The following RNLS variants were observed in gnomAD, a reference collection of about 807,000 sequenced individuals.
RNLS encodes the protein renalase, FAD dependent amine oxidase.
RNLS carries 39 observed loss-of-function variants against 39.8 expected under a neutral mutation model. The observed-to-expected ratio is 0.98, with a 90% CI of 0.76 to 1.28. The LOEUF (loss-of-function observed/expected upper bound fraction) is 1.28. RNLS is among the 50% of genes most tolerant of loss of function. The probability of loss-of-function intolerance (pLI) is 0.00; values close to 1 mark genes in which losing one functional copy is unlikely to be tolerated. For synonymous variants in RNLS, 147 were observed against 150.7 expected (o/e 0.98, Z 0.18); for missense variants, 410 against 413.3 (o/e 0.99, Z 0.07).
At chr10:88,214,158 T>G in the RNLS span, among the ~76,000 whole-genome samples, 1 of 152,146 alleles carries the variant, frequency 6.6e-6, no homozygotes, top group Non-Finnish European at 1.5e-5. Flanking sequence ...AACTTTCAGG[T>G]TCTGTTAAAA....
At chr10:88,215,760 C>T in the RNLS span, among the ~76,000 whole-genome samples, 3 of 137,266 alleles carry the variant, frequency 2.2e-5, no homozygotes, top group Non-Finnish European at 4.6e-5. Context: ...AGTGCAATGG[C>T]GTGATCTTGG....
intron 4 of RNLS, among the ~76,000 whole-genome samples, chr10:88,526,998 TG>T (rs1288395605): frequency 1.3e-5 from 2 of 151,854 alleles, no homozygotes. Context: ...GTTAAGTACT[TG>T]GGTTCTAGGG....
downstream of RNLS, among the ~76,000 whole-genome samples, chr10:88,272,837 T>C (rs72818069): frequency 0.045 from 6,873 of 152,222 alleles, 230 homozygotes; most frequent in African/African-American, 0.088. Context: ...GCCTTGAAAG[T>C]CTCTAATCTA....
At chr10:88,184,558 T>G in the RNLS span, among the ~76,000 whole-genome samples, 1 of 152,238 alleles carries the variant, frequency 6.6e-6, no homozygotes, top group Non-Finnish European at 1.5e-5. Context: ...GAACTGAATT[T>G]AGCCCTCAAG....
At position 88,284,756 on chromosome 10, in the gene RNLS, A is replaced by G. The variant is rs1368611345; in HGVS notation, c.*598T>C. ...ATCATGTGGAATCTTATACTTTCTG[A>G]AAATCTGAAGGAAGGTCTCTTTATC... On this transcript the variant is annotated 3_prime_UTR_variant, in exon 7 of 7. Coordinates refer to ENST00000331772, the MANE Select transcript of RNLS (RefSeq NM_001031709.3). 8 of 985,270 alleles carry G rather than the reference A, an allele frequency of 8.1e-6. No homozygotes were observed. Among genetic ancestry groups the G allele is most frequent in the Non-Finnish European group, 4.8e-6 (4 of 829,924 alleles). The allele number at this position is 985,270 out of a possible 1,614,324, so 61.0% of individuals were successfully genotyped here. A position where few individuals can be genotyped will look rare whatever the true frequency, so the allele number is the denominator to read the frequency against.
At chr10:88,458,683 GAGA>G (rs1233241305) in intron 4 of RNLS, among the ~76,000 whole-genome samples, 1 of 152,098 alleles carries the variant, frequency 6.6e-6, no homozygotes, top group Non-Finnish European at 1.5e-5. Context: ...CTACAGGGTC[GAGA>G]AGAATACTGC....
At chr10:88,438,823 T>C (rs1386454774) in intron 4 of RNLS, among the ~76,000 whole-genome samples, 2 of 152,216 alleles carry the variant, frequency 1.3e-5, no homozygotes. Flanking sequence ...CCAAGCCCAA[T>C]CTTCTAGTCT....
At chr10:88,418,158 G>A (rs1373097960) in intron 4 of RNLS, among the ~76,000 whole-genome samples, 1 of 151,106 alleles carries the variant, frequency 6.6e-6, no homozygotes, top group African/African-American at 2.4e-5. Context: ...CGAAGCTAAA[G>A]ATTCAACAGA....
intron 4 of RNLS, among the ~76,000 whole-genome samples, chr10:88,365,587 T>C (rs905712457): frequency 4.0e-5 from 6 of 151,250 alleles, no homozygotes; most frequent in Admixed American, 2.6e-4. Context: ...TTATATATTA[T>C]ATATAACATA....
At chr10:88,272,927 C>T (rs1842688133), downstream of RNLS, among the ~76,000 whole-genome samples, 1 of 152,146 alleles carries the variant, frequency 6.6e-6, no homozygotes, top group Non-Finnish European at 1.5e-5. Flanking sequence ...TATCCCTAGA[C>T]CCCAGCCCTG....
At chr10:88,246,622 T>C in the RNLS span, among the ~76,000 whole-genome samples, 1 of 151,912 alleles carries the variant, frequency 6.6e-6, no homozygotes, top group South Asian at 2.1e-4. Context: ...TAAATCCCGC[T>C]TTTTTTTCCT....
At chr10:88,206,145 C>T in the RNLS span, among the ~76,000 whole-genome samples, 1 of 152,194 alleles carries the variant, frequency 6.6e-6, no homozygotes. Flanking sequence ...TAAGTTTCTG[C>T]TGAAGCCCGT....
rs564079239 is a variant in RNLS, at chr10:88,382,002, C to A, written c.527-19277G>T. The stretch of plus-strand genomic sequence containing the variant: ...CATGCTCTTTCTTTCATATATATAT[C>A]TATTATCTATGATCACTTTCCCACT... On this transcript the variant is annotated intron_variant, in intron 4 of 6. Coordinates refer to ENST00000331772, the MANE Select transcript of RNLS (RefSeq NM_001031709.3). 2.3e-4 allele frequency among the ~76,000 whole-genome samples: 35 copies of A among 152,138 alleles called. No individual in the cohort carries two copies. In the South Asian group the frequency reaches 7.0e-3, roughly 31 times the overall value.
At chr10:88,315,779 C>CTT (rs370722806) in intron 5 of RNLS, among the ~76,000 whole-genome samples, 1 of 138,996 alleles carries the variant, frequency 7.2e-6, no homozygotes. Context: ...GTAGCCACCA[C>CTT]TTTTTTTTTT....
chr10:88,448,811 T>A (rs1472178640), intron 4 of RNLS, among the ~76,000 whole-genome samples: 1 of 152,206 alleles, frequency 6.6e-6, no homozygotes, highest in African/African-American at 2.4e-5. Context: ...CATGCAATTC[T>A]ATGCAGCCAT....
intron 4 of RNLS, among the ~76,000 whole-genome samples, chr10:88,380,000 T>A (rs923044940): frequency 6.6e-6 from 1 of 152,146 alleles, no homozygotes; most frequent in Non-Finnish European, 1.5e-5. Flanking sequence ...GAGACAAACG[T>A]CTGCATTGTA....
Position 88,582,239 on chromosome 10 carries a change from T to C in RNLS, c.187A>G (p.Ile63Val). Residue 63 changes from isoleucine (I) to valine (V), a missense_variant, in exon 2 of 7, where the codon ATC becomes GTC. By Grantham distance (29) the Ile-to-Val change is conservative. Transcript: ENST00000331772. ...TTGGCATAATGAGGAGTGCAGGTGA[T>C]GTACTGAGCACCCAAGTCAGCTGTG... ...QCTADLGAQYITCTPHYAKKH... is the reference protein window; with the variant it reads ...QCTADLGAQYVTCTPHYAKKH... The C allele has an allele frequency of 1.9e-6, 3 of 1,614,106 alleles. No individual in the cohort carries two copies. Among genetic ancestry groups the C allele is most frequent in the Non-Finnish European group, 2.5e-6 (3 of 1,179,988 alleles).
At chr10:88,500,603 A>T (rs908074172) in intron 4 of RNLS, among the ~76,000 whole-genome samples, 2 of 152,180 alleles carry the variant, frequency 1.3e-5, no homozygotes, top group African/African-American at 4.8e-5. Context: ...CAAGCAAATC[A>T]TGCTATTTAA....
chr10:88,539,579 A>G (rs1847939980), intron 4 of RNLS, among the ~76,000 whole-genome samples: 1 of 151,980 alleles, frequency 6.6e-6, no homozygotes, highest in African/African-American at 2.4e-5. Flanking sequence ...GATGCTACCT[A>G]TTTTTCCACC....
Sources: allele counts gnomAD v4.1 joint callset (sites outside exome capture counted in the v4.1 genomes callset), GRCh38; gene constraint gnomAD v4.1.1; transcripts MANE v1.5; gene names NCBI Gene and HGNC (gene_info 2026-07-23, HGNC 2026-07-21).